The following MAGEC1 variants were observed in gnomAD, a reference collection of about 807,000 sequenced individuals.
MAGEC1 encodes the protein MAGE family member C1.
In MAGEC1, 3 loss-of-function variants were observed where a neutral mutation model predicts 1.5. That is an observed-to-expected ratio of 1.97 (90% CI 0.90 to 5.10). The LOEUF is 5.10. MAGEC1 is among the 30% of genes most tolerant of loss of function. The pLI is 0.02. For synonymous variants in MAGEC1, 357 were observed against 310.4 expected (o/e 1.15, Z -1.58); for missense variants, 985 against 803.1 (o/e 1.23, Z -2.74).
At position 141,908,353 on chromosome X, in the gene MAGEC1, C is replaced by A. The variant is rs371741859; in HGVS notation, c.2949C>A (p.Thr983=). The A allele has an allele frequency of 2.9e-5, 35 of 1,209,347 alleles. No homozygotes were observed. The African/African-American group carries it at 4.9e-4, about 17-fold the overall frequency. ...TCTTTGTAAACACATTAGACCTCAC[C>A]TCTGAGGGGTGTCTGAGTGATGAGC... ...SYVFVNTLDL[T]SEGCLSDEQG... The change falls in exon 4 of 4, where the codon ACC becomes ACA. Residue 983 remains threonine (T), a synonymous_variant. Transcript: ENST00000285879.
chrX:141,907,797 C>T lies in MAGEC1; in HGVS notation c.2393C>T (p.Pro798Leu). 1 of 1,210,224 alleles carries T rather than the reference C, an allele frequency of 8.3e-7. No individual in the cohort carries two copies. Among genetic ancestry groups the T allele is most frequent in the Non-Finnish European group, 1.1e-6 (1 of 894,947 alleles). Residue 798 changes from proline (P) to leucine (L), a missense_variant, in exon 4 of 4, where the codon CCT becomes CTT. Transcript: ENST00000285879. Reference protein sequence around the residue: ...ASLLQSSHESPQSPPEGPAQS... With the variant: ...ASLLQSSHESLQSPPEGPAQS... ...CTTCTCCAAAGTTCCCATGAGAGTC[C>T]TCAGAGTCCTCCTGAGGGGCCTGCC...
Position 141,909,013 on chromosome X carries a change from C to A in MAGEC1, c.*180C>A, listed in dbSNP as rs1045566242. The A allele has an allele frequency of 5.5e-6, 2 of 366,197 alleles. No individual in the cohort carries two copies. Among genetic ancestry groups the A allele is most frequent in the South Asian group, 2.0e-4 (2 of 10,165 alleles). 30.2% of individuals were successfully genotyped at this position (366,197 alleles called of 1,213,427 possible). On this transcript the variant is annotated 3_prime_UTR_variant, in exon 4 of 4. Coordinates refer to ENST00000285879, the MANE Select transcript of MAGEC1 (RefSeq NM_005462.5). ...TTTCAAATGCTTTTCCTATTAATAA[C>A]AGGTTTAAATAGCTTCAGAATCCTA...
chrX:141,906,759 C>T lies in MAGEC1; in HGVS notation c.1355C>T (p.Ser452Phe), dbSNP rs1227207923. Residue 452 changes from serine to phenylalanine, a missense_variant, in exon 4 of 4, where the codon TCC becomes TTC. Transcript: ENST00000285879. ...PLQIPVSSSF[S>F]YTLLSLFQSS... The stretch of plus-strand genomic sequence containing the variant: ...CAGATTCCTGTGAGCTCCTCTTTCT[C>T]CTACACTTTATTGAGTCTTTTCCAG... The T allele has an allele frequency of 8.3e-7, 1 of 1,204,340 alleles. No homozygotes were observed. Among genetic ancestry groups the T allele is most frequent in the Admixed American group, 2.2e-5 (1 of 45,639 alleles).
In MAGEC1 at chrX:141,906,581, C is replaced by T. The variant is rs148715421; in HGVS notation, c.1177C>T (p.Pro393Ser). ...TTTACTGAGTCTTTTCCAGAGTTCC[C>T]CTGAGAGAACTCACAGTACTTTTGA... ...STLLSLFQSSPERTHSTFEGF... is the reference protein window; with the variant it reads ...STLLSLFQSSSERTHSTFEGF... Residue 393 changes from proline (P) to serine (S), a missense_variant, in exon 4 of 4, where the codon CCT becomes TCT. Physicochemically the swap from Pro to Ser is moderately conservative, Grantham distance 74. Transcript: ENST00000285879. 1.4e-4 allele frequency: 168 copies of T among 1,197,792 alleles called. 1 individual carries two copies. In the African/African-American group the frequency reaches 2.5e-3, roughly 18 times the overall value.
At chrX:141,905,374 A>G in intron 3 of MAGEC1, 35 bp from the exon 4 acceptor site, 2 of 1,151,706 alleles carry the variant, frequency 1.7e-6, no homozygotes, top group Non-Finnish European at 2.3e-6. Context: ...TTTCTTTCTC[A>G]TCCTCATCCT....
chrX:141,908,563 C>T lies in MAGEC1; in HGVS notation c.3159C>T (p.Tyr1053=). 3.3e-6 allele frequency: 4 copies of T among 1,198,782 alleles called. No homozygotes were observed. Among genetic ancestry groups the T allele is most frequent in the Non-Finnish European group, 3.4e-6 (3 of 888,847 alleles). Residue 1053 remains tyrosine, a synonymous_variant, in exon 4 of 4, where the codon TAC becomes TAT. Transcript: ENST00000285879. ...CTAAAGTTTGGGTGCAGGAACATTA[C>T]CTAGAGTACCGGGAGGTGCCCAACT... The part of the protein sequence containing the change: ...LLTKVWVQEH[Y]LEYREVPNSS...
chrX:141,904,984 A>C lies in MAGEC1; in HGVS notation c.-89A>C. ...TCCTTCTACAGGTTCCCAGAAGACA[A>C]ACCCCCTAGGAAGACAGGCGACCTG... On this transcript the variant is annotated 5_prime_UTR_variant, in exon 3 of 4. Coordinates refer to ENST00000285879, the MANE Select transcript of MAGEC1 (RefSeq NM_005462.5). 8.4e-7 allele frequency: 1 copy of C among 1,194,356 alleles called. No individual in the cohort carries two copies. Among genetic ancestry groups the C allele is most frequent in the South Asian group, 1.8e-5 (1 of 56,333 alleles).
chrX:141,907,988 A>G lies in MAGEC1; in HGVS notation c.2584A>G (p.Thr862Ala). The change falls in exon 4 of 4, where the codon ACT (threonine) becomes GCT (alanine). Residue 862 changes from threonine (T) to alanine (A), a missense_variant. Coordinates refer to ENST00000285879, the MANE Select transcript of MAGEC1 (RefSeq NM_005462.5). ...TCCTGTGATCTCCTTCTCCTCCTCC[A>G]CTTCATTGAGCCCATTCAGTGAAGA... The part of the protein sequence containing the change: ...QSPVISFSSS[T>A]SLSPFSEESS... 8.3e-7 allele frequency: 1 copy of G among 1,211,242 alleles called. No homozygotes were observed. Among genetic ancestry groups the G allele is most frequent in the Non-Finnish European group, 1.1e-6 (1 of 895,360 alleles).
Position 141,907,032 on chromosome X carries a change from T to G in MAGEC1, c.1628T>G (p.Leu543Arg), listed in dbSNP as rs1404600515. The G allele has an allele frequency of 1.7e-6, 2 of 1,211,275 alleles. No homozygotes were observed. The highest frequency in any genetic ancestry group is 4.3e-5 in the Admixed American group (2 of 46,055). ...AGTCTTCCTGAGTGGGAGGACTCCC[T>G]GTCTCCTCACTACTTTCCTCAGAGC... ...VPSLPEWEDSLSPHYFPQSPP... is the reference protein window; with the variant it reads ...VPSLPEWEDSRSPHYFPQSPP... Residue 543 changes from leucine (L) to arginine (R), a missense_variant, in exon 4 of 4, where the codon CTG becomes CGG. Transcript: ENST00000285879.
At chrX:141,905,310 C>A in intron 3 of MAGEC1, 99 bp from the exon 4 acceptor site, 1 of 886,080 alleles carries the variant, frequency 1.1e-6, no homozygotes, top group Middle Eastern at 2.8e-4. Context: ...GAGGAAGCTT[C>A]CTCCATTTTC....
At position 141,908,576 on chromosome X, in the gene MAGEC1, G is replaced by A; in HGVS notation, c.3172G>A (p.Glu1058Lys). ...WVQEHYLEYR[E>K]VPNSSPPRYE... ...GCAGGAACATTACCTAGAGTACCGG[G>A]AGGTGCCCAACTCTTCTCCTCCTCG... The change falls in exon 4 of 4, where the codon GAG (glutamate) becomes AAG (lysine). Residue 1058 changes from glutamate to lysine, a missense_variant. Glu to Lys is a moderately conservative substitution (Grantham distance 56). Coordinates refer to ENST00000285879, the MANE Select transcript of MAGEC1 (RefSeq NM_005462.5). The A allele has an allele frequency of 8.3e-7, 1 of 1,204,721 alleles. No homozygotes were observed.
chrX:141,905,687 C>T lies in MAGEC1; in HGVS notation c.283C>T (p.Pro95Ser). Residue 95 changes from proline to serine, a missense_variant, in exon 4 of 4, where the codon CCT becomes TCT. By Grantham distance (74) the Pro-to-Ser change is moderately conservative. Coordinates refer to ENST00000285879, the MANE Select transcript of MAGEC1 (RefSeq NM_005462.5). ...TCCTGAGGGCGACGACACCCAGTCT[C>T]CTCTCCAGAATTCTCAGAGTTCTCC... ...SSPEGDDTQS[P>S]LQNSQSSPEG... The T allele has an allele frequency of 8.3e-7, 1 of 1,211,167 alleles. No homozygotes were observed. Among genetic ancestry groups the T allele is most frequent in the Non-Finnish European group, 1.1e-6 (1 of 895,067 alleles).
Position 141,907,238 on chromosome X carries a change from C to A in MAGEC1, c.1834C>A (p.Pro612Thr). The change falls in exon 4 of 4, where the codon CCT becomes ACT. Residue 612 changes from proline (P) to threonine (T), a missense_variant. Pro to Thr is a conservative substitution (Grantham distance 38). Transcript: ENST00000285879. The stretch of plus-strand genomic sequence containing the variant: ...GGACTCCATGTCTCCTCTCTACTTT[C>A]CTCAGAGTCCTCTTCAGGGGGAGGA... ...GEDSMSPLYFPQSPLQGEEFQ... is the reference protein window; with the variant it reads ...GEDSMSPLYFTQSPLQGEEFQ... The A allele has an allele frequency of 8.3e-7, 1 of 1,211,105 alleles. No homozygotes were observed.
rs753786187 is a variant in MAGEC1, at chrX:141,905,986, C to A, written c.582C>A (p.Pro194=). ...CTCAAAGTCCTTTTGAGGGTTTTCC[C>A]CAGTCTCCACTCCAGATTCCTGTGA... ...ESTQSPFEGF[P]QSPLQIPVSR... is the part of the protein sequence containing the mutation. Residue 194 remains proline, a synonymous_variant, in exon 4 of 4, where the codon CCC becomes CCA. Transcript: ENST00000285879. 14 of 1,207,411 alleles carry A rather than the reference C, an allele frequency of 1.2e-5. No individual in the cohort carries two copies. The highest frequency in any genetic ancestry group is 2.3e-4 in the Middle Eastern group (1 of 4,346).
chrX:141,905,673 A>AC lies in MAGEC1; in HGVS notation c.270dup (p.Asp91ArgfsTer14). The AC allele has an allele frequency of 1.7e-6, 2 of 1,209,829 alleles. No homozygotes were observed. Among genetic ancestry groups the AC allele is most frequent in the Non-Finnish European group, 2.2e-6 (2 of 894,675 alleles). On this transcript the variant is annotated frameshift_variant, in exon 4 of 4. Coordinates refer to ENST00000285879, the MANE Select transcript of MAGEC1 (RefSeq NM_005462.5). LOFTEE classifies it low-confidence loss of function (END_TRUNC). Reference sequence around the variant, plus strand: ...ATTCCCCAGAGTTCTCCTGAGGGCGACGACACCCAGTCTCCTCTCCAGAAT... The same window carrying AC: ...ATTCCCCAGAGTTCTCCTGAGGGCGACCGACACCCAGTCTCCTCTCCAGAAT...
Position 141,905,087 on chromosome X carries a change from C to A in MAGEC1, c.4+11C>A, listed in dbSNP as rs1218917492. 8.3e-7 allele frequency: 1 copy of A among 1,211,926 alleles called. No individual in the cohort carries two copies. Among genetic ancestry groups the A allele is most frequent in the African/African-American group, 1.7e-5 (1 of 57,884 alleles). ...TCAGAGCCATCATGGGTGAGTTTCT[C>A]AGCTGAGGCCACTGGCACTGTCCCT... On this transcript the variant is annotated intron_variant, in intron 3 of 3. Transcript: ENST00000285879.
At position 141,905,693 on chromosome X, in the gene MAGEC1, C is replaced by T. The variant is rs1439593642; in HGVS notation, c.289C>T (p.Gln97Ter). The change falls in exon 4 of 4, where the codon CAG becomes TAG. Residue 97 changes from glutamine (Q) to a stop codon, truncating the protein, a stop_gained. Transcript: ENST00000285879. LOFTEE classifies it low-confidence loss of function (END_TRUNC). Reference protein sequence around the residue: ...PEGDDTQSPLQNSQSSPEGKD... With the variant: ...PEGDDTQSPL Reference sequence around the variant, plus strand: ...GGGCGACGACACCCAGTCTCCTCTCCAGAATTCTCAGAGTTCTCCTGAGGG... The same window carrying T: ...GGGCGACGACACCCAGTCTCCTCTCTAGAATTCTCAGAGTTCTCCTGAGGG... 2 of 1,209,563 alleles carry T rather than the reference C, an allele frequency of 1.7e-6. No individual in the cohort carries two copies. The highest frequency in any genetic ancestry group is 1.8e-5 in the South Asian group (1 of 56,787).
In MAGEC1 at chrX:141,908,774, T is replaced by A; in HGVS notation, c.3370T>A (p.Ser1124Thr). ...GGCCATAATTGACACCACAGATGAT[T>A]CGACTGCCACAGAAAGTGCAAGCTC... is the stretch of plus-strand genomic sequence containing the variant. The part of the protein sequence containing the change: ...AQAIIDTTDD[S>T]TATESASSSV... The change falls in exon 4 of 4, where the codon TCG (serine) becomes ACG (threonine). Residue 1124 changes from serine (S) to threonine (T), a missense_variant. Physicochemically the swap from Ser to Thr is moderately conservative, Grantham distance 58. Transcript: ENST00000285879. 8.3e-7 allele frequency: 1 copy of A among 1,210,212 alleles called. No individual in the cohort carries two copies. Among genetic ancestry groups the A allele is most frequent in the Non-Finnish European group, 1.1e-6 (1 of 894,703 alleles).
In MAGEC1 at chrX:141,905,568, A is replaced by T. The variant is rs1027501056; in HGVS notation, c.164A>T (p.Gln55Leu). Residue 55 changes from glutamine (Q) to leucine (L), a missense_variant, in exon 4 of 4, where the codon CAG (glutamine) becomes CTG (leucine). Transcript: ENST00000285879. The part of the protein sequence containing the change: ...DDTLYPLQSP[Q>L]SRSEGEDSSD... ...ACCCTGTATCCTCTCCAGAGTCCTC[A>T]GAGTCGTTCTGAGGGGGAGGACTCC... 3.3e-6 allele frequency: 4 copies of T among 1,206,052 alleles called. No individual in the cohort carries two copies. The highest frequency in any genetic ancestry group is 4.5e-6 in the Non-Finnish European group (4 of 893,961).
Sources: allele counts gnomAD v4.1 joint callset, GRCh38; gene constraint gnomAD v4.1.1; transcripts MANE v1.5; gene names NCBI Gene and HGNC (gene_info 2026-07-23, HGNC 2026-07-21).